Variants in CCSER1 observed in about 807,000 individuals in gnomAD.
CCSER1 encodes coiled-coil serine rich protein 1.
In CCSER1, 41 loss-of-function variants were observed where a neutral mutation model predicts 82.0. The observed-to-expected ratio is 0.50, with a 90% CI of 0.39 to 0.65. CCSER1 has a LOEUF of 0.65. CCSER1 is among the 30% of genes least tolerant of loss of function. The probability of loss-of-function intolerance (pLI) is 0.00; values close to 1 mark genes in which losing one functional copy is unlikely to be tolerated. For synonymous variants in CCSER1, 414 were observed against 383.9 expected (o/e 1.08, Z -0.92); for missense variants, 1,119 against 1,064.2 (o/e 1.05, Z -0.72).
At chr4:91,369,661 CT>C (rs573494038) in intron 10 of CCSER1, among the ~76,000 whole-genome samples, 1,204 of 73,506 alleles carry the variant, frequency 0.016, 38 homozygotes, top group African/African-American at 0.063. Context: ...TAATCTGTAG[CT>C]TTTTTTTTTT....
intron 7 of CCSER1, among the ~76,000 whole-genome samples, chr4:90,738,043 G>T (rs1036254909): frequency 6.6e-6 from 1 of 152,036 alleles, no homozygotes; most frequent in Non-Finnish European, 1.5e-5. Context: ...TAACTATTTT[G>T]AATTCTCTGT....
chr4:90,334,512 G>A (rs1196839380), intron 3 of CCSER1, among the ~76,000 whole-genome samples: 1 of 151,582 alleles, frequency 6.6e-6, no homozygotes, highest in Non-Finnish European at 1.5e-5. Flanking sequence ...TGACATTTGA[G>A]ATAAACTTTA....
chr4:91,062,066 ATACATAAATAC>A (rs1335222582), intron 9 of CCSER1, among the ~76,000 whole-genome samples: 1 of 151,934 alleles, frequency 6.6e-6, no homozygotes, highest in Non-Finnish European at 1.5e-5. Flanking sequence ...TCAGTGTAGC[ATACATAAATAC>A]TACATAAATA....
intron 10 of CCSER1, among the ~76,000 whole-genome samples, chr4:91,368,099 T>C (rs768398072): frequency 3.9e-5 from 6 of 152,172 alleles, no homozygotes; most frequent in Admixed American, 1.3e-4. Flanking sequence ...TTTAAAGAAA[T>C]AATTTCTTAG....
chr4:91,195,284 G>A (rs567310014), intron 10 of CCSER1, among the ~76,000 whole-genome samples: 2 of 152,306 alleles, frequency 1.3e-5, no homozygotes, highest in East Asian at 1.9e-4. Context: ...GTGCTCTGCC[G>A]AAACTTGTAG....
At chr4:90,927,520 G>C (rs1393415886) in intron 9 of CCSER1, among the ~76,000 whole-genome samples, 1 of 151,952 alleles carries the variant, frequency 6.6e-6, no homozygotes, top group East Asian at 1.9e-4. Flanking sequence ...ATTCATGTAT[G>C]AATAAAGCAT....
intron 1 of CCSER1, among the ~76,000 whole-genome samples, chr4:90,190,726 T>A (rs2153396030): frequency 6.6e-6 from 1 of 152,224 alleles, no homozygotes. Flanking sequence ...GCCATCTGGT[T>A]ACTTTGTCAT....
intron 6 of CCSER1, among the ~76,000 whole-genome samples, chr4:90,661,905 A>G (rs1366413259): frequency 1.3e-5 from 2 of 148,876 alleles, no homozygotes; most frequent in East Asian, 1.9e-4. Context: ...TCTGCTTAAG[A>G]AAAAAAAAAA....
At chr4:90,167,898 A>T (rs1407041291) in intron 1 of CCSER1, among the ~76,000 whole-genome samples, 4 of 152,090 alleles carry the variant, frequency 2.6e-5, no homozygotes, top group Admixed American at 2.6e-4. Context: ...GGTTGGTTCC[A>T]AGTCTTTGCT....
chr4:90,645,566 C>T (rs1259824614), intron 6 of CCSER1, among the ~76,000 whole-genome samples: 6 of 150,818 alleles, frequency 4.0e-5, no homozygotes, highest in Non-Finnish European at 7.4e-5. Context: ...TCCTAATTTG[C>T]TGTTGTTTAA....
At chr4:91,380,575 C>G (rs1750807244) in intron 10 of CCSER1, among the ~76,000 whole-genome samples, 2 of 151,994 alleles carry the variant, frequency 1.3e-5, no homozygotes, top group Admixed American at 6.6e-5. Context: ...GCAACCCTGC[C>G]TTTTTTTGTT....
At chr4:91,151,427 G>A (rs940468911) in intron 10 of CCSER1, among the ~76,000 whole-genome samples, 1 of 151,936 alleles carries the variant, frequency 6.6e-6, no homozygotes, top group African/African-American at 2.4e-5. Flanking sequence ...CCAGCTCCTG[G>A]ATTCATTGAT....
intron 10 of CCSER1, among the ~76,000 whole-genome samples, chr4:91,421,660 C>T (rs984312417): frequency 3.3e-5 from 5 of 151,936 alleles, no homozygotes; most frequent in East Asian, 1.9e-4. Flanking sequence ...ATAAAATAAA[C>T]GATGACAGGT....
chr4:90,284,299 C>G (rs1046813045), intron 1 of CCSER1, among the ~76,000 whole-genome samples: 1 of 152,014 alleles, frequency 6.6e-6, no homozygotes, highest in African/African-American at 2.4e-5. Context: ...TGATTATTTT[C>G]TTTGCTATGC....
chr4:90,417,739 T>A (rs190863554), intron 4 of CCSER1, among the ~76,000 whole-genome samples: 1 of 152,284 alleles, frequency 6.6e-6, no homozygotes, highest in African/African-American at 2.4e-5. Context: ...TGCAGTGAGT[T>A]AGGAACTCCT....
At chr4:90,174,022 C>A (rs895198498) in intron 1 of CCSER1, among the ~76,000 whole-genome samples, 2 of 151,936 alleles carry the variant, frequency 1.3e-5, no homozygotes, top group Non-Finnish European at 1.5e-5. Context: ...AAACAATCTA[C>A]CTACATGATT....
intron 9 of CCSER1, among the ~76,000 whole-genome samples, chr4:90,933,476 C>T (rs183716209): frequency 1.3e-5 from 2 of 151,144 alleles, no homozygotes; most frequent in African/African-American, 2.4e-5. Context: ...CGTGAGCCAC[C>T]GTGCCAGGAT....
At chr4:90,643,991 G>T (rs1727041416) in intron 6 of CCSER1, among the ~76,000 whole-genome samples, 1 of 152,006 alleles carries the variant, frequency 6.6e-6, no homozygotes, top group African/African-American at 2.4e-5. Context: ...GTACATTTAT[G>T]ATTATAGTTT....
intron 1 of CCSER1, among the ~76,000 whole-genome samples, chr4:90,282,089 A>G (rs747398454): frequency 7.2e-5 from 11 of 152,022 alleles, no homozygotes; most frequent in Non-Finnish European, 1.6e-4. Context: ...TATGTCTGCA[A>G]TTTTGGAGAA....
Sources: gnomAD v4.1 joint callset for allele counts (sites outside exome capture counted in the v4.1 genomes callset) on GRCh38, gnomAD v4.1.1 for gene constraint, MANE v1.5 for transcripts, NCBI Gene and HGNC (gene_info 2026-07-23, HGNC 2026-07-21) for gene names.